Variants in GABRA2 observed in about 807,000 individuals in gnomAD.
GABRA2 encodes gamma-aminobutyric acid receptor subunit alpha-2.
Under a neutral mutation model 48.7 loss-of-function variants are expected in GABRA2, and 16 were observed. The observed-to-expected ratio is 0.33, with a 90% CI of 0.22 to 0.50. GABRA2 has a LOEUF of 0.50. Among genes scored for constraint, GABRA2 ranks in the 20% least tolerant of loss-of-function variants. The pLI is 0.98. For synonymous variants in GABRA2, 185 were observed against 184.5 expected (o/e 1.00, Z -0.02); for missense variants, 275 against 535.6 (o/e 0.51, Z 4.80).
At chr4:46,311,908 G>A (rs1727704661) in intron 5 of GABRA2, among the ~76,000 whole-genome samples, 2 of 152,252 alleles carry the variant, frequency 1.3e-5, no homozygotes, top group South Asian at 4.1e-4. Context: ...GGGCCAGCCT[G>A]GCCAACATGG....
chr4:46,269,187 T>C (rs1718821775), intron 8 of GABRA2, among the ~76,000 whole-genome samples: 1 of 151,800 alleles, frequency 6.6e-6, no homozygotes, highest in Non-Finnish European at 1.5e-5. Flanking sequence ...ACTAAGAGAG[T>C]ATTTCTAATA....
intron 7 of GABRA2, among the ~76,000 whole-genome samples, chr4:46,304,798 C>T (rs375900197): frequency 6.6e-6 from 1 of 151,230 alleles, no homozygotes; most frequent in Non-Finnish European, 1.5e-5. Context: ...CGTGGTGGTG[C>T]GCCTATAGTC....
intron 8 of GABRA2, among the ~76,000 whole-genome samples, chr4:46,278,189 G>A (rs1720870594): frequency 6.6e-6 from 1 of 152,062 alleles, no homozygotes; most frequent in Non-Finnish European, 1.5e-5. Context: ...TGGATCCATA[G>A]TATATTCTAC....
At chr4:46,360,530 C>T (rs1026371126) in intron 3 of GABRA2, among the ~76,000 whole-genome samples, 2 of 152,224 alleles carry the variant, frequency 1.3e-5, no homozygotes, top group African/African-American at 4.8e-5. Flanking sequence ...ATAGTAAGCC[C>T]ATTAAACCTC....
At chr4:46,285,173 A>G (rs1485661156) in intron 8 of GABRA2, among the ~76,000 whole-genome samples, 2 of 150,212 alleles carry the variant, frequency 1.3e-5, no homozygotes, top group Non-Finnish European at 2.9e-5. Flanking sequence ...GCTCATACAG[A>G]ATATTTATTT....
chr4:46,365,669 A>C (rs1713925722), intron 3 of GABRA2: 1 of 152,130 alleles, frequency 6.6e-6, no homozygotes, highest in Non-Finnish European at 1.5e-5. Flanking sequence ...TGATGAAGAA[A>C]CTGAGGTTTA....
intron 8 of GABRA2, among the ~76,000 whole-genome samples, chr4:46,288,010 CA>C (rs1243506561): frequency 6.6e-6 from 1 of 152,094 alleles, no homozygotes; most frequent in African/African-American, 2.4e-5. Flanking sequence ...TGCAGGGAAA[CA>C]CCCCCATATA....
chr4:46,260,338 T>A (rs558186328), intron 9 of GABRA2, among the ~76,000 whole-genome samples: 2 of 151,924 alleles, frequency 1.3e-5, no homozygotes, highest in South Asian at 4.1e-4. Context: ...TGGCTATGTG[T>A]AATTTGGCAT....
intron 8 of GABRA2, among the ~76,000 whole-genome samples, chr4:46,300,316 C>CGT (rs1396852510): frequency 4.0e-5 from 6 of 151,768 alleles, no homozygotes; most frequent in African/African-American, 1.2e-4. Context: ...TGTGTGCGCG[C>CGT]GCGTTTTGAG....
chr4:46,334,644 G>A (rs1731903657), intron 3 of GABRA2, among the ~76,000 whole-genome samples: 1 of 152,066 alleles, frequency 6.6e-6, no homozygotes. Flanking sequence ...AGGGTGAAGG[G>A]GTATCAGTAC....
intron 4 of GABRA2, among the ~76,000 whole-genome samples, chr4:46,319,620 A>G (rs1729114634): frequency 6.6e-6 from 1 of 151,802 alleles, no homozygotes; most frequent in Non-Finnish European, 1.5e-5. Context: ...AGTAAACCCA[A>G]TTAGTACAAG....
At chr4:46,346,588 T>C (rs1327123070) in intron 3 of GABRA2, among the ~76,000 whole-genome samples, 1 of 148,828 alleles carries the variant, frequency 6.7e-6, no homozygotes, top group Non-Finnish European at 1.5e-5. Flanking sequence ...TTATGTATTA[T>C]ATTTATTATT....
intron 8 of GABRA2, among the ~76,000 whole-genome samples, chr4:46,275,042 A>G (rs972407424): frequency 6.6e-6 from 1 of 152,090 alleles, no homozygotes; most frequent in Admixed American, 6.6e-5. Flanking sequence ...CCACCTTGGG[A>G]AAGAATTTAA....
At chr4:46,300,377 C>T (rs575396434) in intron 8 of GABRA2, among the ~76,000 whole-genome samples, 2 of 151,972 alleles carry the variant, frequency 1.3e-5, no homozygotes, top group African/African-American at 4.8e-5. Context: ...CCCCTGGTTT[C>T]CTTCCTTATT....
chr4:46,320,489 T>A (rs1036854048), intron 4 of GABRA2, among the ~76,000 whole-genome samples: 1 of 151,772 alleles, frequency 6.6e-6, no homozygotes, highest in Non-Finnish European at 1.5e-5. Flanking sequence ...CAACAAAATA[T>A]AAAGGTAGCC....
At chr4:46,287,984 G>C (rs950849548) in intron 8 of GABRA2, among the ~76,000 whole-genome samples, 3 of 152,086 alleles carry the variant, frequency 2.0e-5, no homozygotes, top group African/African-American at 7.2e-5. Context: ...ATAGCAGTAG[G>C]CAAAGAGAGA....
intron 3 of GABRA2, among the ~76,000 whole-genome samples, chr4:46,333,301 G>A (rs185599004): frequency 3.4e-4 from 51 of 152,032 alleles, no homozygotes; most frequent in African/African-American, 1.2e-3. Flanking sequence ...AACTAAATTG[G>A]ATTCTAAAAT....
chr4:46,273,946 A>G (rs1382963251), intron 8 of GABRA2, among the ~76,000 whole-genome samples: 2 of 152,078 alleles, frequency 1.3e-5, no homozygotes, highest in Non-Finnish European at 2.9e-5. Context: ...AAAATTATAC[A>G]ACTAAGATTT....
At chr4:46,262,216 CA>C (rs1717117258) in intron 8 of GABRA2, 88 bp from the exon 9 acceptor site, 2 of 956,494 alleles carry the variant, frequency 2.1e-6, no homozygotes, top group South Asian at 3.0e-5. Flanking sequence ...CTCCAGCCCC[CA>C]AAGCTTTTAC....
Sources: gnomAD v4.1 joint callset for allele counts (sites outside exome capture counted in the v4.1 genomes callset) on GRCh38, gnomAD v4.1.1 for gene constraint, MANE v1.5 for transcripts, NCBI Gene and HGNC (gene_info 2026-07-23, HGNC 2026-07-21) for gene names.